Variants in PRORP observed in about 807,000 individuals in gnomAD.
PRORP encodes the protein mitochondrial ribonuclease P catalytic subunit.
In PRORP, 51 loss-of-function variants were observed where a neutral mutation model predicts 59.4. That is an observed-to-expected ratio of 0.86 (90% CI 0.69 to 1.08). The LOEUF (loss-of-function observed/expected upper bound fraction) is 1.08. Ranked by LOEUF, PRORP falls within the 50% of genes least tolerant of loss-of-function variation. The pLI is 0.00. For synonymous variants in PRORP, 231 were observed against 245.6 expected, an observed-to-expected ratio of 0.94 and a Z score of 0.55; for missense variants, 646 against 690.3, an observed-to-expected ratio of 0.94 and a Z score of 0.72.
rs372868024 is a variant in PRORP at position 35,201,955 on chromosome 14, G to A, written c.1275+21178G>A. On this transcript the variant is annotated intron_variant, in intron 5 of 7. Coordinates refer to ENST00000534898, the MANE Select transcript of PRORP (RefSeq NM_014672.4). ...TTACAGGCATGAGTCACCGTGCCCC[G>A]CCACAAAATTATTATTATTTTTTTT... is the stretch of plus-strand genomic sequence containing the variant. 6.1e-4 allele frequency among the ~76,000 whole-genome samples: 90 copies of A among 147,970 alleles called. No homozygotes were observed. In the South Asian group the frequency reaches 0.012, roughly 20 times the overall value.
At chr14:35,150,720 T>G (rs571731198) in intron 4 of PRORP, among the ~76,000 whole-genome samples, 8 of 152,232 alleles carry the variant, frequency 5.3e-5, no homozygotes, top group African/African-American at 1.2e-4. Context: ...TACAAGGAAA[T>G]GAAAATTATG....
chr14:35,253,346 AGAG>A (rs2050661017), intron 5 of PRORP, among the ~76,000 whole-genome samples: 1 of 97,258 alleles, frequency 1.0e-5, no homozygotes, highest in Non-Finnish European at 2.6e-5. Flanking sequence ...AAAAAAAAAG[AGAG>A]AGAGAGAGAA....
At chr14:35,241,021 AC>A (rs1367649885) in intron 5 of PRORP, among the ~76,000 whole-genome samples, 2 of 152,332 alleles carry the variant, frequency 1.3e-5, no homozygotes, top group South Asian at 2.1e-4. Context: ...CAGTATAACA[AC>A]TACTTACATA....
At chr14:35,236,934 T>C (rs184427703) in intron 5 of PRORP, among the ~76,000 whole-genome samples, 36 of 136,068 alleles carry the variant, frequency 2.6e-4, no homozygotes, top group Admixed American at 1.1e-3. Context: ...TCTCTCTCTT[T>C]CTCCTTCTTT....
At chr14:35,221,318 A>G (rs2049776114) in intron 5 of PRORP, among the ~76,000 whole-genome samples, 2 of 152,238 alleles carry the variant, frequency 1.3e-5, no homozygotes. Context: ...AAAATCCATG[A>G]TGAATAAAAT....
intron 5 of PRORP, among the ~76,000 whole-genome samples, chr14:35,213,317 T>G (rs1223734235): frequency 6.6e-6 from 1 of 152,096 alleles, no homozygotes; most frequent in Non-Finnish European, 1.5e-5. Flanking sequence ...ATTCCTATAG[T>G]CCTAGCTTGG....
intron 5 of PRORP, among the ~76,000 whole-genome samples, chr14:35,250,752 A>C (rs1399219706): frequency 6.6e-6 from 1 of 152,220 alleles, no homozygotes; most frequent in African/African-American, 2.4e-5. Context: ...TAAAGTCCTT[A>C]AAAGAGGGAG....
At chr14:35,176,669 C>T (rs1407097722) in intron 4 of PRORP, among the ~76,000 whole-genome samples, 3 of 152,158 alleles carry the variant, frequency 2.0e-5, no homozygotes, top group Non-Finnish European at 4.4e-5. Flanking sequence ...TCTAAATATA[C>T]GATCATGTCA....
intron 5 of PRORP, among the ~76,000 whole-genome samples, chr14:35,265,311 A>G (rs1214287610): frequency 6.6e-6 from 1 of 152,178 alleles, no homozygotes; most frequent in Non-Finnish European, 1.5e-5. Context: ...AAGATCTTTT[A>G]TATTTCTGAT....
intron 5 of PRORP, among the ~76,000 whole-genome samples, chr14:35,227,301 G>A (rs765416153): frequency 6.6e-6 from 1 of 151,598 alleles, no homozygotes; most frequent in Non-Finnish European, 1.5e-5. Context: ...AAATTTAGTC[G>A]GGCGTGGTGG....
intron 5 of PRORP, among the ~76,000 whole-genome samples, chr14:35,227,462 T>C (rs1361878145): frequency 6.6e-6 from 1 of 151,840 alleles, no homozygotes; most frequent in Non-Finnish European, 1.5e-5. Flanking sequence ...AAAAGTTATG[T>C]TATGACAATA....
Position 35,123,634 on chromosome 14 carries a change from A to G in PRORP, c.389A>G (p.Asp130Gly), listed in dbSNP as rs1263001644. The G allele has an allele frequency of 1.9e-6, 3 of 1,614,084 alleles. No homozygotes were observed. The highest frequency in any genetic ancestry group is 1.7e-5 in the Admixed American group (1 of 59,994). The change falls in exon 2 of 8, where the codon GAT (aspartate) becomes GGT (glycine). Residue 130 changes from aspartate to glycine, a missense_variant. Asp to Gly is a moderately conservative substitution (Grantham distance 94). Transcript: ENST00000534898. ...NSEEWDKLKE[D>G]LKENTGKTSF... ...GAGGAGTGGGATAAACTTAAGGAAGATTTAAAAGAAAACACCGGAAAGACC... is the reference window on the plus strand; with the variant it reads ...GAGGAGTGGGATAAACTTAAGGAAGGTTTAAAAGAAAACACCGGAAAGACC...
At chr14:35,181,087 G>T (rs2048594427) in intron 5 of PRORP, among the ~76,000 whole-genome samples, 1 of 152,098 alleles carries the variant, frequency 6.6e-6, no homozygotes, top group African/African-American at 2.4e-5. Flanking sequence ...TCTCTTTGGG[G>T]TCGCTCTGTC....
At chr14:35,172,921 G>A (rs2048358256) in intron 4 of PRORP, among the ~76,000 whole-genome samples, 1 of 150,158 alleles carries the variant, frequency 6.7e-6, no homozygotes, top group South Asian at 2.1e-4. Flanking sequence ...AGGCTGGAGT[G>A]CAGTGGCGTG....
chr14:35,164,706 T>C (rs1206210338), intron 4 of PRORP, among the ~76,000 whole-genome samples: 1 of 152,058 alleles, frequency 6.6e-6, no homozygotes, highest in Non-Finnish European at 1.5e-5. Context: ...AGTATACCCA[T>C]GTAACGAACC....
At chr14:35,175,307 G>A (rs1243486388) in intron 4 of PRORP, among the ~76,000 whole-genome samples, 1 of 152,100 alleles carries the variant, frequency 6.6e-6, no homozygotes, top group Non-Finnish European at 1.5e-5. Context: ...AGATCCCTGA[G>A]GAATCGCCAC....
chr14:35,193,165 G>C (rs2048926406), intron 5 of PRORP, among the ~76,000 whole-genome samples: 1 of 152,082 alleles, frequency 6.6e-6, no homozygotes, highest in African/African-American at 2.4e-5. Flanking sequence ...AAGATGTATG[G>C]GGGGAAAAGC....
chr14:35,223,456 CTTTTTT>C (rs5807819), intron 5 of PRORP, among the ~76,000 whole-genome samples: 1 of 81,460 alleles, frequency 1.2e-5, no homozygotes, highest in Admixed American at 1.4e-4. Context: ...TAGACTTTAA[CTTTTTT>C]TTTTTTTTTT....
chr14:35,126,703 T>C (rs762818891), intron 2 of PRORP, 32 bp from the exon 3 acceptor site: 6 of 1,551,338 alleles, frequency 3.9e-6, no homozygotes, highest in East Asian at 2.3e-5. Flanking sequence ...AATCTAACCT[T>C]CTCATGATTT....
Sources: allele counts gnomAD v4.1 joint callset (sites outside exome capture counted in the v4.1 genomes callset), GRCh38; gene constraint gnomAD v4.1.1; transcripts MANE v1.5; gene names NCBI Gene and HGNC (gene_info 2026-07-23, HGNC 2026-07-21).